The following MAPK9 variants were observed in gnomAD, a reference collection of about 807,000 sequenced individuals.
MAPK9 encodes the protein mitogen-activated protein kinase 9, also known as Jun kinase.
A neutral mutation model predicts 57.1 loss-of-function variants in MAPK9; 30 were observed. The observed-to-expected ratio is 0.53, with a 90% CI of 0.39 to 0.71. The LOEUF (loss-of-function observed/expected upper bound fraction) is 0.71, where lower values mean the gene tolerates loss of function less well. Ranked by LOEUF, MAPK9 falls within the 30% of genes least tolerant of loss-of-function variation. The probability of loss-of-function intolerance (pLI) is 0.00; values close to 1 mark genes in which losing one functional copy is unlikely to be tolerated. For synonymous variants in MAPK9, 155 were observed against 177.0 expected (o/e 0.88, Z 0.99); for missense variants, 362 against 521.0 (o/e 0.69, Z 2.97).
Position 180,236,474 on chromosome 5 carries a change from G to A in MAPK9, c.1185C>T (p.Asp395=). 2 of 1,614,076 alleles carry A rather than the reference G, an allele frequency of 1.2e-6. No individual in the cohort carries two copies. Among genetic ancestry groups the A allele is most frequent in the Non-Finnish European group, 1.7e-6 (2 of 1,179,932 alleles). The change falls in exon 12 of 12, where the codon GAC becomes GAT. Residue 395 remains aspartate (D), a synonymous_variant. Transcript: ENST00000452135. The stretch of plus-strand genomic sequence containing the variant: ...TCTGCTCAGTGGACATGGATGAAAT[G>A]TCATTGATCGATGAAGACTGAGAAG... ...ATPSQSSSIN[D]ISSMSTEQTL...
chr5:180,277,151 G>C (rs1417602673), intron 2 of MAPK9, among the ~76,000 whole-genome samples: 2 of 152,228 alleles, frequency 1.3e-5, no homozygotes, highest in Admixed American at 1.3e-4. Flanking sequence ...CAAAAATGTA[G>C]AAATACACAT....
intron 1 of MAPK9, among the ~76,000 whole-genome samples, chr5:180,289,678 C>T (rs1162400590): frequency 6.6e-6 from 1 of 152,126 alleles, no homozygotes; most frequent in Non-Finnish European, 1.5e-5. Flanking sequence ...GGCCTGGCTC[C>T]CCTGGCCTTA....
At chr5:180,252,231 G>A (rs566943992) in intron 5 of MAPK9, among the ~76,000 whole-genome samples, 18 of 152,292 alleles carry the variant, frequency 1.2e-4, no homozygotes, top group Admixed American at 4.6e-4. Flanking sequence ...CAGTGTGGGC[G>A]CTGTCTGGGC....
At chr5:180,242,478 C>CT (rs1757748820) in intron 8 of MAPK9, 95 bp downstream of exon 8, 3 of 1,207,542 alleles carry the variant, frequency 2.5e-6, no homozygotes, top group Non-Finnish European at 3.5e-6. Context: ...ATGACTTTCT[C>CT]TCCCAAAACA....
At chr5:180,263,120 C>G (rs1760156127) in intron 4 of MAPK9, 1 of 152,334 alleles carries the variant, frequency 6.6e-6, no homozygotes, top group Non-Finnish European at 1.5e-5. Flanking sequence ...ACTCCTGATT[C>G]CATCCCTAGC....
Position 180,247,796 on chromosome 5 carries a change from A to G in MAPK9, c.617-286T>C. On this transcript the variant is annotated intron_variant, in intron 6 of 11. Transcript: ENST00000452135. The surrounding 1 kb of genome is among the most constrained non-coding windows in gnomAD (Gnocchi z 4.5). Reference sequence around the variant, plus strand: ...AGTGCCTGTGAACACAAAGCTTTTCAGGGCCACACGCCCACCCCAGCCTCC... The same window carrying G: ...AGTGCCTGTGAACACAAAGCTTTTCGGGGCCACACGCCCACCCCAGCCTCC... The G allele has an allele frequency of 6.5e-7, 1 of 1,535,302 alleles. No homozygotes were observed. The highest frequency in any genetic ancestry group is 2.2e-5 in the East Asian group (1 of 44,536).
rs1170440013 is a variant in MAPK9, at chr5:180,247,845, T to G, written c.617-335A>C. On this transcript the variant is annotated intron_variant, in intron 6 of 11. Coordinates refer to ENST00000452135, the MANE Select transcript of MAPK9 (RefSeq NM_002752.5). This position sits in a 1 kb window ranked among gnomAD's most constrained non-coding sequence, Gnocchi z 4.5. ...CCATGGCCAAGTACCGGGTCCCCTGTGAAGGATACAGTCTCTTCCCGGGAA... is the reference window on the plus strand; with the variant it reads ...CCATGGCCAAGTACCGGGTCCCCTGGGAAGGATACAGTCTCTTCCCGGGAA... 1 of 1,614,004 alleles carries G rather than the reference T, an allele frequency of 6.2e-7. No individual in the cohort carries two copies. Among genetic ancestry groups the G allele is most frequent in the Admixed American group, 1.7e-5 (1 of 60,020 alleles).
chr5:180,271,250 C>T (rs1370346621), intron 2 of MAPK9, among the ~76,000 whole-genome samples: 1 of 152,206 alleles, frequency 6.6e-6, no homozygotes, highest in South Asian at 2.1e-4. Context: ...TGGGCATAAG[C>T]TTCCCCACTT....
intron 2 of MAPK9, among the ~76,000 whole-genome samples, chr5:180,274,388 CAG>C (rs1176878797): frequency 2.0e-5 from 3 of 152,146 alleles, no homozygotes; most frequent in Non-Finnish European, 4.4e-5. Flanking sequence ...CCTTTAAAGG[CAG>C]AGTTTGCTCT....
At chr5:180,241,456 C>T (rs1001680524) in intron 8 of MAPK9, among the ~76,000 whole-genome samples, 4 of 152,046 alleles carry the variant, frequency 2.6e-5, no homozygotes, top group Admixed American at 1.3e-4. Context: ...TGCCACCATG[C>T]CCGGATAATT....
intron 11 of MAPK9, 190 bp downstream of exon 11, chr5:180,238,142 T>C (rs1757333874): frequency 9.2e-6 from 4 of 436,838 alleles, no homozygotes; most frequent in East Asian, 4.6e-5. Flanking sequence ...TGGTGGCGCG[T>C]GCCTGTAGTC....
At chr5:180,256,206 C>T (rs939433737) in intron 5 of MAPK9, among the ~76,000 whole-genome samples, 13 of 152,256 alleles carry the variant, frequency 8.5e-5, no homozygotes, top group Admixed American at 5.2e-4. Flanking sequence ...GTATATACTT[C>T]GGTGGGATAT....
At chr5:180,245,330 T>C (rs1055081541) in intron 7 of MAPK9, among the ~76,000 whole-genome samples, 3 of 152,174 alleles carry the variant, frequency 2.0e-5, no homozygotes, top group African/African-American at 7.2e-5. Context: ...CTCTGGATGA[T>C]GGCAGCCTCT....
In MAPK9 at chr5:180,291,173, G is replaced by A. The variant is rs527871599; in HGVS notation, c.-48+675C>T. Among the ~76,000 whole-genome samples the A allele has an allele frequency of 2.6e-5, 4 of 152,318 alleles. No homozygotes were observed. In the South Asian group the frequency reaches 8.3e-4, roughly 32 times the overall value. ...ATGCGGGCTGGCATGTTCAAGGCGGGCGAGATGAGTGGGACGGGGCAGCAG... is the reference window on the plus strand; with the variant it reads ...ATGCGGGCTGGCATGTTCAAGGCGGACGAGATGAGTGGGACGGGGCAGCAG... On this transcript the variant is annotated intron_variant, in intron 1 of 11. Transcript: ENST00000452135.
intron 2 of MAPK9, among the ~76,000 whole-genome samples, chr5:180,278,382 G>C (rs1762013687): frequency 6.6e-6 from 1 of 152,182 alleles, no homozygotes; most frequent in Admixed American, 6.5e-5. Context: ...CATGCCAGCT[G>C]GGATAAATGA....
intron 5 of MAPK9, among the ~76,000 whole-genome samples, chr5:180,249,390 G>A (rs975780856): frequency 2.6e-5 from 4 of 152,058 alleles, no homozygotes; most frequent in African/African-American, 9.7e-5. Flanking sequence ...GGTCTCGCAG[G>A]CCCTCAGGCT....
intron 3 of MAPK9, among the ~76,000 whole-genome samples, chr5:180,265,379 G>A (rs1274306482): frequency 6.6e-6 from 1 of 152,122 alleles, no homozygotes; most frequent in Non-Finnish European, 1.5e-5. Context: ...TAATCCCCAC[G>A]TGTCTAGGGA....
At chr5:180,237,613 G>A (rs953843021) in intron 11 of MAPK9, 1 of 152,236 alleles carries the variant, frequency 6.6e-6, no homozygotes. Context: ...TATCAACATT[G>A]AAAAGGCTTT....
At chr5:180,259,672 G>C (rs1759710747) in intron 5 of MAPK9, among the ~76,000 whole-genome samples, 2 of 152,278 alleles carry the variant, frequency 1.3e-5, no homozygotes, top group South Asian at 4.1e-4. Flanking sequence ...AGTTCTCTAG[G>C]TAAACATGAA....
Sources: allele counts gnomAD v4.1 joint callset (sites outside exome capture counted in the v4.1 genomes callset), GRCh38; gene constraint gnomAD v4.1.1; non-coding constraint Gnocchi (gnomAD v3.1); transcripts MANE v1.5; gene names NCBI Gene and HGNC (gene_info 2026-07-23, HGNC 2026-07-21).